RBPMS2: variants seen among roughly 807,000 people sequenced by gnomAD.
RBPMS2 encodes RNA binding protein, mRNA processing factor 2, also known as RNA-binding protein with multiple splicing 2.
In RBPMS2, 14 loss-of-function variants were observed where a neutral mutation model predicts 25.7. The ratio of observed to expected loss-of-function variants is 0.55; its 90% CI spans 0.36 to 0.85. RBPMS2 has a LOEUF of 0.85. RBPMS2 is among the 40% of genes least tolerant of loss of function. RBPMS2 has a pLI of 0.01. For synonymous variants in RBPMS2, 127 were observed against 115.6 expected (o/e 1.10, Z -0.63); for missense variants, 252 against 283.4 (o/e 0.89, Z 0.80).
chr15:64,745,373 A>G (rs1006957958), intron 6 of RBPMS2, among the ~76,000 whole-genome samples: 1 of 152,196 alleles, frequency 6.6e-6, no homozygotes, highest in Non-Finnish European at 1.5e-5. Context: ...TTCTAGGTAG[A>G]TTTCATATAC....
chr15:64,760,266 C>T (rs142509209), intron 1 of RBPMS2, among the ~76,000 whole-genome samples: 3 of 152,340 alleles, frequency 2.0e-5, no homozygotes, highest in African/African-American at 7.2e-5. Context: ...GGACCCCACA[C>T]TTGGTCAGAA....
chr15:64,751,955 T>A, intron 1 of RBPMS2, among the ~76,000 whole-genome samples: 1 of 150,728 alleles, frequency 6.6e-6, no homozygotes. Flanking sequence ...CAGCCCAGCA[T>A]GCCTTTTTTT....
rs575548719 is a variant in RBPMS2 at position 64,751,571 on chromosome 15, C to T, written c.155G>A (p.Arg52Gln). 6 of 1,613,816 alleles carry T rather than the reference C, an allele frequency of 3.7e-6. No homozygotes were observed. The highest frequency in any genetic ancestry group is 2.2e-5 in the East Asian group (1 of 44,878). Residue 52 changes from arginine to glutamine, a missense_variant, in exon 2 of 8, where the codon CGG becomes CAG. Coordinates refer to ENST00000300069, the MANE Select transcript of RBPMS2 (RefSeq NM_194272.3). ...TGGGTCCTGACTCACCTTGAACGGC[C>T]GGAAGAGCAAGTAGAGTTCTCTGGG... ...IKPRELYLLF[R>Q]PFKGYEGSLI...
At chr15:64,741,130 G>C (rs1354470519) in intron 7 of RBPMS2, 43 bp downstream of exon 7, 3 of 1,444,734 alleles carry the variant, frequency 2.1e-6, no homozygotes, top group Non-Finnish European at 2.9e-6. Flanking sequence ...CAGGGAGCCG[G>C]AGTCTAGGAC....
At chr15:64,749,645 A>T in intron 3 of RBPMS2, 152 bp from the exon 4 acceptor site, 1 of 630,496 alleles carries the variant, frequency 1.6e-6, no homozygotes, top group Non-Finnish European at 2.6e-6. Context: ...CCAAAACTCC[A>T]GCCCACATCC....
chr15:64,761,394 G>C (rs943503818), intron 1 of RBPMS2, among the ~76,000 whole-genome samples: 2 of 152,174 alleles, frequency 1.3e-5, no homozygotes, highest in Admixed American at 6.5e-5. Context: ...CCTAGGGGTC[G>C]AGCGAGTTGC....
At chr15:64,765,121 G>A (rs1236450479) in intron 1 of RBPMS2, among the ~76,000 whole-genome samples, 1 of 148,860 alleles carries the variant, frequency 6.7e-6, no homozygotes, top group East Asian at 2.0e-4. Context: ...CAGCTACTCA[G>A]GAGGCTGAGG....
rs144447544 is a variant in RBPMS2, at chr15:64,745,761, G to C, written c.567+2658C>G. On this transcript the variant is annotated intron_variant, in intron 6 of 7. Transcript: ENST00000300069. The stretch of plus-strand genomic sequence containing the variant: ...CAAGGTAGCCTCATGCCAAGACAGA[G>C]CAGGACCAAACAACCTCCAGGACCC... 4.6e-3 allele frequency among the ~76,000 whole-genome samples: 695 copies of C among 152,272 alleles called. 5 individuals are homozygous for C. Among genetic ancestry groups the C allele is most frequent in the African/African-American group, 0.016 (645 of 41,544 alleles).
intron 2 of RBPMS2, among the ~76,000 whole-genome samples, chr15:64,750,777 C>T (rs1181200127): frequency 2.6e-5 from 4 of 152,334 alleles, no homozygotes; most frequent in African/African-American, 9.6e-5. Context: ...TCATGGCTCA[C>T]GTCTGTAATC....
intron 4 of RBPMS2, 42 bp from the exon 5 acceptor site, chr15:64,749,192 G>A (rs748715185): frequency 6.2e-7 from 1 of 1,604,800 alleles, no homozygotes; most frequent in Non-Finnish European, 8.5e-7. Flanking sequence ...TACTCCGGGG[G>A]ACCCAGAGTG....
In RBPMS2 at chr15:64,758,873, T is replaced by C. The variant is rs547883470; in HGVS notation, c.88-7235A>G. On this transcript the variant is annotated intron_variant, in intron 1 of 7. Coordinates refer to ENST00000300069, the MANE Select transcript of RBPMS2 (RefSeq NM_194272.3). ...GAGAAGGGCCTGTGTGTTCTTGAGC[T>C]CTCTCCCGCCAGCCAGTGCTAGACC... is the stretch of plus-strand genomic sequence containing the variant. 1.9e-3 allele frequency among the ~76,000 whole-genome samples: 287 copies of C among 152,210 alleles called. 1 individual carries two copies. The highest frequency in any genetic ancestry group is 6.8e-3 in the Middle Eastern group (2 of 294).
At chr15:64,767,623 TC>T (rs1227251755) in intron 1 of RBPMS2, among the ~76,000 whole-genome samples, 1 of 152,164 alleles carries the variant, frequency 6.6e-6, no homozygotes, top group Non-Finnish European at 1.5e-5. Context: ...CGCTTGCCAG[TC>T]CCACCCTGGA....
At chr15:64,742,148 A>C (rs1214933591) in intron 6 of RBPMS2, among the ~76,000 whole-genome samples, 1 of 152,194 alleles carries the variant, frequency 6.6e-6, no homozygotes, top group Non-Finnish European at 1.5e-5. Flanking sequence ...CTGGGCAACA[A>C]GAACAAAACT....
chr15:64,754,189 G>A lies in RBPMS2; in HGVS notation c.88-2551C>T, dbSNP rs560413967. ...TAGCCAGGTGTGGTGGCCCATCCCT[G>A]CAGTCCCAGCTACTTCGGAGGCTGA... is the stretch of plus-strand genomic sequence containing the variant. On this transcript the variant is annotated intron_variant, in intron 1 of 7. Coordinates refer to ENST00000300069, the MANE Select transcript of RBPMS2 (RefSeq NM_194272.3). Among the ~76,000 whole-genome samples the A allele has an allele frequency of 5.3e-5, 8 of 152,046 alleles. No homozygotes were observed. In the South Asian group the frequency reaches 1.5e-3, roughly 28 times the overall value.
chr15:64,775,012 CGA>C (rs990674776), intron 1 of RBPMS2, among the ~76,000 whole-genome samples: 1 of 150,656 alleles, frequency 6.6e-6, no homozygotes, highest in Non-Finnish European at 1.5e-5. Flanking sequence ...GCCTCGAGCC[CGA>C]GAGGGCGGGG....
At chr15:64,751,427 G>T in intron 2 of RBPMS2, 134 bp downstream of exon 2, 1 of 698,730 alleles carries the variant, frequency 1.4e-6, no homozygotes. Context: ...ACCAGGACAC[G>T]GGCTGGACCT....
chr15:64,765,894 G>C (rs2083842093), intron 1 of RBPMS2, among the ~76,000 whole-genome samples: 1 of 152,054 alleles, frequency 6.6e-6, no homozygotes, highest in Admixed American at 6.5e-5. Flanking sequence ...TCAGGAGGCT[G>C]AGGCAGGAGA....
At chr15:64,761,696 CTTTTTTTTTT>C (rs71133473) in intron 1 of RBPMS2, among the ~76,000 whole-genome samples, 2 of 86,678 alleles carry the variant, frequency 2.3e-5, no homozygotes, top group African/African-American at 4.7e-5. Context: ...CAAAGCCCAG[CTTTTTTTTTT>C]TTTTTTTTTT....
At chr15:64,748,341 C>T (rs894771604) in intron 6 of RBPMS2, 78 bp downstream of exon 6, 1 of 1,464,454 alleles carries the variant, frequency 6.8e-7, no homozygotes, top group African/African-American at 1.4e-5. Flanking sequence ...ACAGCAGCGG[C>T]CAAGTGGCCA....
Sources: allele counts gnomAD v4.1 joint callset (sites outside exome capture counted in the v4.1 genomes callset), GRCh38; gene constraint gnomAD v4.1.1; transcripts MANE v1.5; gene names NCBI Gene and HGNC (gene_info 2026-07-23, HGNC 2026-07-21).